HECTD3: variants seen among roughly 807,000 people sequenced by gnomAD.
The protein encoded by HECTD3 is E3 ubiquitin-protein ligase HECTD3.
Under a neutral mutation model 109.3 loss-of-function variants are expected in HECTD3, and 72 were observed. The observed-to-expected ratio is 0.66, with a 90% CI of 0.54 to 0.80. The LOEUF is 0.80. HECTD3 is among the 30% of genes least tolerant of loss of function. HECTD3 has a pLI of 0.00. For missense variants in HECTD3, 1,041 were observed against 1,165.2 expected (o/e 0.89, Z 1.55); for synonymous variants, 481 against 471.8 (o/e 1.02, Z -0.25).
At chr1:45,010,437 C>T in intron 2 of HECTD3, 109 bp downstream of exon 2, 1 of 1,511,510 alleles carries the variant, frequency 6.6e-7, no homozygotes, top group South Asian at 1.2e-5. Context: ...CTGCTCTTAA[C>T]CCTGCCTCCG....
Position 45,006,027 on chromosome 1 carries a change from C to G in HECTD3, c.1815G>C (p.Met605Ile). The G allele has an allele frequency of 6.2e-7, 1 of 1,614,180 alleles. No homozygotes were observed. The highest frequency in any genetic ancestry group is 8.5e-7 in the Non-Finnish European group (1 of 1,180,020). The change falls in exon 14 of 21, where the codon ATG (methionine) becomes ATC (isoleucine). Residue 605 changes from methionine (M) to isoleucine (I), a missense_variant. Transcript: ENST00000372172. The surrounding 1 kb of genome is among the most constrained non-coding windows in gnomAD (Gnocchi z 4.7). Reference protein sequence around the residue: ...FAKYEWIGQLMGAALRGKEFL... With the variant: ...FAKYEWIGQLIGAALRGKEFL... ...ACTCCTTACCCCGAAGGGCAGCCCCCATCAGCTGTCCGATCCATTCATACT... is the reference window on the plus strand; with the variant it reads ...ACTCCTTACCCCGAAGGGCAGCCCCGATCAGCTGTCCGATCCATTCATACT...
intron 15 of HECTD3, 27 bp downstream of exon 15, chr1:45,005,767 G>C: frequency 6.4e-7 from 1 of 1,552,528 alleles, no homozygotes; most frequent in Non-Finnish European, 8.7e-7. Flanking sequence ...CTGGGCAGAG[G>C]AAACACTGGT....
chr1:45,006,984 A>C lies in HECTD3; in HGVS notation c.1588T>G (p.Cys530Gly). Residue 530 changes from cysteine to glycine, a missense_variant, in exon 12 of 21, where the codon TGT (cysteine) becomes GGT (glycine). Coordinates refer to ENST00000372172, the MANE Select transcript of HECTD3 (RefSeq NM_024602.6). The surrounding 1 kb of genome is among the most constrained non-coding windows in gnomAD (Gnocchi z 4.7). ...WPMRYDQWWECKFIAEGIIDQ... is the reference protein window; with the variant it reads ...WPMRYDQWWEGKFIAEGIIDQ... ...ATGATGCCTTCTGCAATAAATTTAC[A>C]CTCCCACCACTGGTCATAGCGCATG... 1 of 1,613,420 alleles carries C rather than the reference A, an allele frequency of 6.2e-7. No homozygotes were observed. The highest frequency in any genetic ancestry group is 8.5e-7 in the Non-Finnish European group (1 of 1,179,904).
chr1:45,007,150 GTGTGTGTT>G (rs1390541506), intron 11 of HECTD3, 61 bp downstream of exon 11: 40 of 1,025,056 alleles, frequency 3.9e-5, no homozygotes, highest in South Asian at 4.9e-5. Flanking sequence ...GTGTGTGTGT[GTGTGTGTT>G]TGTGTGTGTT....
At chr1:45,008,770 C>T (rs1013050593) in intron 7 of HECTD3, 69 bp from the exon 8 acceptor site, 6 of 1,483,846 alleles carry the variant, frequency 4.0e-6, no homozygotes, top group African/African-American at 1.4e-5. Context: ...GACCTGGGAC[C>T]GGCTCCTTGA....
rs948549444 is a variant in HECTD3 at position 45,009,407 on chromosome 1, C to T, written c.951G>A (p.Gly317=). 1.2e-6 allele frequency: 2 copies of T among 1,614,054 alleles called. No individual in the cohort carries two copies. Among genetic ancestry groups the T allele is most frequent in the Non-Finnish European group, 1.7e-6 (2 of 1,179,962 alleles). ...PKRVVVYGGE[G]DNLKKLSDVS... ...CGTCACTCAGCTTCTTCAGGTTGTC[C>T]CCTTCACCCCCATAGACCACCACCC... Residue 317 remains glycine (G), a synonymous_variant, in exon 6 of 21, where the codon GGG becomes GGA. Transcript: ENST00000372172.
intron 3 of HECTD3, 34 bp downstream of exon 3, chr1:45,010,167 C>T (rs1644771949): frequency 6.2e-7 from 1 of 1,613,944 alleles, no homozygotes; most frequent in Non-Finnish European, 8.5e-7. Context: ...AGACGCAGAG[C>T]TCCTTCCTCC....
In HECTD3 at chr1:45,004,688, C is replaced by T; in HGVS notation, c.2054G>A (p.Gly685Glu). 6.2e-7 allele frequency: 1 copy of T among 1,614,194 alleles called. No individual in the cohort carries two copies. The highest frequency in any genetic ancestry group is 2.2e-5 in the East Asian group (1 of 44,892). The stretch of plus-strand genomic sequence containing the variant: ...ATATCCCACGACGATGCCTGCACCC[C>T]CAGGGATCAGCTCCACCACCTGTTG... ...SDQQVVELIP[G>E]GAGIVVGYGD... Residue 685 changes from glycine (G) to glutamate (E), a missense_variant, in exon 16 of 21, where the codon GGG (glycine) becomes GAG (glutamate). Around this residue, in one of 2 missense-constraint regions of HECTD3, gnomAD observed 569 missense variants for 715.3 expected, o/e 0.80. Coordinates refer to ENST00000372172, the MANE Select transcript of HECTD3 (RefSeq NM_024602.6).
Position 45,003,069 on chromosome 1 carries a change from C to T in HECTD3, c.*423G>A, listed in dbSNP as rs1371610196. 2 of 180,150 alleles carry T rather than the reference C, an allele frequency of 1.1e-5. No individual in the cohort carries two copies. The highest frequency in any genetic ancestry group is 4.7e-5 in the African/African-American group (2 of 42,714). The allele number at this position is 180,150 out of a possible 1,614,324, so 11.2% of individuals were successfully genotyped here. A position where few individuals can be genotyped will look rare whatever the true frequency, so the allele number is the denominator to read the frequency against. Reference sequence around the variant, plus strand: ...CTCCCTGCTTGGGGAGGGGCCTCCACTAACCTCCAGTGTTTTATGTTTTTA... The same window carrying T: ...CTCCCTGCTTGGGGAGGGGCCTCCATTAACCTCCAGTGTTTTATGTTTTTA... On this transcript the variant is annotated 3_prime_UTR_variant, in exon 21 of 21. Coordinates refer to ENST00000372172, the MANE Select transcript of HECTD3 (RefSeq NM_024602.6). This position sits in a 1 kb window ranked among gnomAD's most constrained non-coding sequence, Gnocchi z 4.7.
Position 45,008,673 on chromosome 1 carries a change from C to T in HECTD3, c.1101G>A (p.Gly367=), listed in dbSNP as rs1644757516. ...GCTGTCTAGATGACTTGATCTTGAC[C>T]CCTCGGAGACGAACATCAATCCCAT... ...RDDGIDVRLR[G]VKIKSSRQRE... Residue 367 remains glycine, a synonymous_variant, in exon 8 of 21, where the codon GGG becomes GGA. Transcript: ENST00000372172. 13 of 1,613,614 alleles carry T rather than the reference C, an allele frequency of 8.1e-6. No individual in the cohort carries two copies. The highest frequency in any genetic ancestry group is 1.0e-5 in the Non-Finnish European group (12 of 1,179,892).
chr1:45,003,935 C>G lies in HECTD3; in HGVS notation c.2349G>C (p.Glu783Asp), dbSNP rs1557726592. The change falls in exon 19 of 21, where the codon GAG becomes GAC. Residue 783 changes from glutamate to aspartate, a missense_variant and splice_region_variant. Coordinates refer to ENST00000372172, the MANE Select transcript of HECTD3 (RefSeq NM_024602.6). This position sits in a 1 kb window ranked among gnomAD's most constrained non-coding sequence, Gnocchi z 4.7. ...FWEALNNFTN[E>D]DRSRFLRFVT... ...CAAAGCGCAGGAAGCGGCTCCGGTC[C>G]TCTGGAGGGAGAAGGAAATCAGTGC... 1.2e-6 allele frequency: 2 copies of G among 1,613,312 alleles called. No individual in the cohort carries two copies. The highest frequency in any genetic ancestry group is 8.5e-7 in the Non-Finnish European group (1 of 1,179,564).
In HECTD3 at chr1:45,009,151, C is replaced by T. The variant is rs1557729717; in HGVS notation, c.1065G>A (p.Glu355=). 8 of 1,613,980 alleles carry T rather than the reference C, an allele frequency of 5.0e-6. No homozygotes were observed. Among genetic ancestry groups the T allele is most frequent in the Non-Finnish European group, 6.8e-6 (8 of 1,179,834 alleles). ...HLPIIEIRIV[E]CRDDGIDVRL... ...TATAGCCTTAAACCTCACCTCGGCA[C>T]TCCACGATGCGGATCTCGATGATCG... Residue 355 remains glutamate, a synonymous_variant, in exon 7 of 21, where the codon GAG becomes GAA. Coordinates refer to ENST00000372172, the MANE Select transcript of HECTD3 (RefSeq NM_024602.6).
At position 45,005,893 on chromosome 1, in the gene HECTD3, A is replaced by C; in HGVS notation, c.1846-10T>G. On this transcript the variant is annotated splice_polypyrimidine_tract_variant and intron_variant, in intron 14 of 20. Transcript: ENST00000372172. ...CAGGCAGGGCCAGGACCTGTGTGAC[A>C]AACACTCCCCACTGTCTTCTCACCC... The C allele has an allele frequency of 6.2e-7, 1 of 1,605,052 alleles. No individual in the cohort carries two copies. Among genetic ancestry groups the C allele is most frequent in the Non-Finnish European group, 8.5e-7 (1 of 1,175,530 alleles).
rs531486019 is a variant in HECTD3 at position 45,010,613 on chromosome 1, T to C, written c.463A>G (p.Ile155Val). ...PAEGGARLVP[I>V]DTPNHLQRQQ... ...CGCTGGAGGTGGTTGGGAGTGTCGA[T>C]GGGTACCAGGCGGGCTCCGCCCTCC... The change falls in exon 2 of 21, where the codon ATC becomes GTC. Residue 155 changes from isoleucine (I) to valine (V), a missense_variant. This residue lies in a region of HECTD3 where 472 missense variants were observed against 449.9 expected (regional missense o/e 1.05). Coordinates refer to ENST00000372172, the MANE Select transcript of HECTD3 (RefSeq NM_024602.6). 8 of 1,612,818 alleles carry C rather than the reference T, an allele frequency of 5.0e-6. No individual in the cohort carries two copies. The highest frequency in any genetic ancestry group is 3.3e-5 in the South Asian group (3 of 91,004).
rs1644740255 is a variant in HECTD3, at chr1:45,006,861, G to C, written c.1622-66C>G. On this transcript the variant is annotated intron_variant, in intron 12 of 20. Coordinates refer to ENST00000372172, the MANE Select transcript of HECTD3 (RefSeq NM_024602.6). The surrounding 1 kb of genome is among the most constrained non-coding windows in gnomAD (Gnocchi z 4.7). ...AGCTCCCATAATGGGGTAATGAATA[G>C]GTCCCCCATCATCATTAGCTGGTGA... is the stretch of plus-strand genomic sequence containing the variant. 1 of 1,569,664 alleles carries C rather than the reference G, an allele frequency of 6.4e-7. No individual in the cohort carries two copies. Among genetic ancestry groups the C allele is most frequent in the Admixed American group, 1.7e-5 (1 of 59,742 alleles).
chr1:45,008,190 G>T, intron 9 of HECTD3, 50 bp downstream of exon 9: 1 of 1,415,796 alleles, frequency 7.1e-7, no homozygotes, highest in South Asian at 1.2e-5. Flanking sequence ...GAACAACTAC[G>T]TGAGCAGGAA....
intron 11 of HECTD3, 67 bp downstream of exon 11, chr1:45,007,147 TGTGTG>T: frequency 6.9e-7 from 1 of 1,450,734 alleles, no homozygotes; most frequent in Non-Finnish European, 9.6e-7. Context: ...TGTGTGTGTG[TGTGTG>T]TGTGTTTGTG....
At chr1:45,009,958 C>T (rs752875239) in intron 4 of HECTD3, 28 bp downstream of exon 4, 3 of 1,517,704 alleles carry the variant, frequency 2.0e-6, no homozygotes, top group Middle Eastern at 3.6e-4. Context: ...TATATCTTGC[C>T]TGGGGTGGGA....
intron 9 of HECTD3, 60 bp from the exon 10 acceptor site, chr1:45,007,655 TG>T: frequency 7.0e-7 from 1 of 1,422,434 alleles, no homozygotes; most frequent in Non-Finnish European, 9.7e-7. Context: ...GTCCAGGCCC[TG>T]GAACTTTCCC....
Sources: allele counts gnomAD v4.1 joint callset, GRCh38; gene constraint gnomAD v4.1.1; regional missense constraint gnomAD v4.1.1; non-coding constraint Gnocchi (gnomAD v3.1); transcripts MANE v1.5; gene names NCBI Gene and HGNC (gene_info 2026-07-23, HGNC 2026-07-21).